Variants in PLEKHH2 observed in about 807,000 individuals in gnomAD.
PLEKHH2 encodes pleckstrin homology, MyTH4 and FERM domain containing H2, also known as pleckstrin homology domain-containing family H member 2.
In PLEKHH2, 129 loss-of-function variants were observed where a neutral mutation model predicts 187.9. The ratio of observed to expected loss-of-function variants is 0.69; its 90% confidence interval spans 0.59 to 0.79. PLEKHH2 has a LOEUF of 0.79. Ranked by LOEUF, PLEKHH2 falls within the 30% of genes least tolerant of loss-of-function variation. The probability of loss-of-function intolerance (pLI) is 0.00; values close to 1 mark genes in which losing one functional copy is unlikely to be tolerated. For missense variants in PLEKHH2, 2,076 were observed against 1,751.2 expected (o/e 1.19, Z -3.31); for synonymous variants, 686 against 605.6 (o/e 1.13, Z -1.95).
Position 43,709,932 on chromosome 2 carries a change from G to C in PLEKHH2, c.1967-58G>C, listed in dbSNP as rs1669869418. On this transcript the variant is annotated intron_variant, in intron 11 of 29. Transcript: ENST00000282406. ...GCATTCTGTAGGAGCACTCAGAGCT[G>C]GTGTTTGGCCCTCCCCAGTATTAAA... is the stretch of plus-strand genomic sequence containing the variant. 2.0e-6 allele frequency: 3 copies of C among 1,479,620 alleles called. No individual in the cohort carries two copies. In the African/African-American group the frequency reaches 4.2e-5, roughly 21 times the overall value. 91.7% of individuals were successfully genotyped at this position (1,479,620 alleles called of 1,614,324 possible).
At chr2:43,759,071 T>C in intron 27 of PLEKHH2, 42 bp downstream of exon 27, 1 of 1,582,278 alleles carries the variant, frequency 6.3e-7, no homozygotes, top group Non-Finnish European at 8.6e-7. Flanking sequence ...AAAACCTTTG[T>C]GTACATAGTT....
At chr2:43,642,852 A>G (rs752268040) in intron 1 of PLEKHH2, among the ~76,000 whole-genome samples, 1 of 152,136 alleles carries the variant, frequency 6.6e-6, no homozygotes, top group Non-Finnish European at 1.5e-5. Context: ...AAGTTATTTT[A>G]CATGTAGAGC....
At chr2:43,753,339 C>T (rs186027363) in intron 24 of PLEKHH2, among the ~76,000 whole-genome samples, 3 of 152,244 alleles carry the variant, frequency 2.0e-5, no homozygotes, top group East Asian at 1.9e-4. Context: ...TCAACTATGA[C>T]AATCTCTGTC....
intron 6 of PLEKHH2, 25 bp downstream of exon 6, chr2:43,695,249 T>C: frequency 7.3e-7 from 1 of 1,375,388 alleles, no homozygotes; most frequent in Non-Finnish European, 1.0e-6. Flanking sequence ...CTAAGATAGC[T>C]TAGTTGGATT....
chr2:43,685,903 T>G (rs1054210326), intron 3 of PLEKHH2, among the ~76,000 whole-genome samples: 2 of 152,202 alleles, frequency 1.3e-5, no homozygotes, highest in African/African-American at 4.8e-5. Context: ...TCTAATTAGG[T>G]GGATACCTTA....
In PLEKHH2 at chr2:43,740,986, C is replaced by A. The variant is rs758716569; in HGVS notation, c.3164C>A (p.Pro1055His). Residue 1055 changes from proline to histidine, a missense_variant, in exon 21 of 30, where the codon CCC becomes CAC. By Grantham distance (77) the Pro-to-His change is moderately conservative (BLOSUM62 -2). Transcript: ENST00000282406. ...LLALCVGLFLPHHPFLWLLRL... is the reference protein window; with the variant it reads ...LLALCVGLFLHHHPFLWLLRL... ...GCACTCTGCGTTGGGCTCTTCCTTC[C>A]CCATCATCCTTTCCTGTGGCTCCTC... 4.3e-6 allele frequency: 7 copies of A among 1,614,044 alleles called. No homozygotes were observed. The highest frequency in any genetic ancestry group is 5.1e-6 in the Non-Finnish European group (6 of 1,179,954).
intron 4 of PLEKHH2, 56 bp downstream of exon 4, chr2:43,692,719 AC>A: frequency 6.5e-7 from 1 of 1,531,946 alleles, no homozygotes; most frequent in Non-Finnish European, 8.9e-7. Flanking sequence ...GTGCATAATC[AC>A]AAAGATTAAA....
At chr2:43,717,124 A>G (rs1197746095) in intron 15 of PLEKHH2, among the ~76,000 whole-genome samples, 1 of 152,192 alleles carries the variant, frequency 6.6e-6, no homozygotes, top group Non-Finnish European at 1.5e-5. Flanking sequence ...TGAGGTAAAG[A>G]ACAAGAGTGT....
At chr2:43,684,453 A>G (rs1668393998) in intron 3 of PLEKHH2, among the ~76,000 whole-genome samples, 1 of 152,166 alleles carries the variant, frequency 6.6e-6, no homozygotes, top group East Asian at 1.9e-4. Flanking sequence ...TTAATTCATA[A>G]TATGTGGCAA....
chr2:43,692,477 A>G, intron 3 of PLEKHH2, 37 bp from the exon 4 acceptor site: 8 of 1,498,048 alleles, frequency 5.3e-6, no homozygotes, highest in Non-Finnish European at 7.3e-6. Flanking sequence ...TAACCTGAGT[A>G]CACACACAAT....
rs2104355491 is a variant in PLEKHH2, at chr2:43,653,432, A to C, written c.123+8636A>C. ...AATTATATCAAACCCAGAATTCTGC[A>C]CCGAGGCCAATTATGAATTTTATTT... On this transcript the variant is annotated intron_variant, in intron 2 of 29. Coordinates refer to ENST00000282406, the MANE Select transcript of PLEKHH2 (RefSeq NM_172069.4). Among the ~76,000 whole-genome samples the C allele has an allele frequency of 2.6e-5, 4 of 152,348 alleles. No homozygotes were observed. In the South Asian group the frequency reaches 8.3e-4, roughly 32 times the overall value.
rs1668199408 is a variant in PLEKHH2, at chr2:43,681,689, A to C, written c.186+2764A>C. 10 of 548,560 alleles carry C rather than the reference A, an allele frequency of 1.8e-5. No individual in the cohort carries two copies. In the South Asian group the frequency reaches 2.2e-4, roughly 12 times the overall value. The allele number at this position is 548,560 out of a possible 1,614,324, so 34.0% of individuals were successfully genotyped here. ...TCACTCAACCAAACGCTCTTACTCC[A>C]TCAGGCCACTGAGGGCCAGGCAAGG... On this transcript the variant is annotated intron_variant, in intron 3 of 29. Transcript: ENST00000282406.
In PLEKHH2 at chr2:43,740,229, G is replaced by T. The variant is rs1671497440; in HGVS notation, c.3124-717G>T. ...TACTTTTACATTTATTTACTCTAAT[G>T]AGTTTGTCTAATGCTTAACATTTTT... On this transcript the variant is annotated intron_variant, in intron 20 of 29. Coordinates refer to ENST00000282406, the MANE Select transcript of PLEKHH2 (RefSeq NM_172069.4). Among the ~76,000 whole-genome samples, 3 of 152,116 alleles carry T rather than the reference G, an allele frequency of 2.0e-5. No individual in the cohort carries two copies. In the South Asian group the frequency reaches 6.2e-4, roughly 32 times the overall value.
chr2:43,731,148 T>C lies in PLEKHH2; in HGVS notation c.2831-342T>C, dbSNP rs184789947. On this transcript the variant is annotated intron_variant, in intron 18 of 29. Coordinates refer to ENST00000282406, the MANE Select transcript of PLEKHH2 (RefSeq NM_172069.4). ...ACTGAGGGAAAGGGTGGGAAGGGGG[T>C]GAGGCAAATCAGTTTCAGTATATAC... is the stretch of plus-strand genomic sequence containing the variant. Among the ~76,000 whole-genome samples the C allele has an allele frequency of 1.6e-4, 24 of 151,854 alleles. No homozygotes were observed. In the East Asian group the frequency reaches 4.1e-3, roughly 26 times the overall value.
chr2:43,718,136 A>G (rs1168243119), intron 15 of PLEKHH2, among the ~76,000 whole-genome samples: 1 of 152,236 alleles, frequency 6.6e-6, no homozygotes, highest in Admixed American at 6.5e-5. Context: ...ATGGTAAAAA[A>G]TTATTCTTTT....
rs116129066 is a variant in PLEKHH2 at position 43,719,928 on chromosome 2, C to T, written c.2461-741C>T. ...ACATTAGAGTGTTAACCTAGAGAGC[C>T]ACATGGCTATTGGAAATCTGTGAAA... is the stretch of plus-strand genomic sequence containing the variant. On this transcript the variant is annotated intron_variant, in intron 15 of 29. Coordinates refer to ENST00000282406, the MANE Select transcript of PLEKHH2 (RefSeq NM_172069.4). 2.3e-3 allele frequency among the ~76,000 whole-genome samples: 356 copies of T among 151,962 alleles called. 2 individuals carry two copies. Among genetic ancestry groups the T allele is most frequent in the African/African-American group, 7.9e-3 (329 of 41,394 alleles).
chr2:43,676,183 G>A, intron 2 of PLEKHH2: 1 of 1,614,036 alleles, frequency 6.2e-7, no homozygotes, highest in Non-Finnish European at 8.5e-7. Flanking sequence ...CCTGTTAGGT[G>A]GACGAAGGTG....
intron 17 of PLEKHH2, among the ~76,000 whole-genome samples, chr2:43,728,477 C>CA (rs1042037842): frequency 0.015 from 843 of 55,614 alleles, 6 homozygotes; most frequent in African/African-American, 0.032. Flanking sequence ...GACTCTGTCT[C>CA]AAAAAAAAAA....
chr2:43,731,147 G>A (rs562363214), intron 18 of PLEKHH2, among the ~76,000 whole-genome samples: 2 of 152,240 alleles, frequency 1.3e-5, no homozygotes, highest in African/African-American at 2.4e-5. Context: ...TGGGAAGGGG[G>A]TGAGGCAAAT....
Sources: gnomAD v4.1 joint callset for allele counts (sites outside exome capture counted in the v4.1 genomes callset) on GRCh38, gnomAD v4.1.1 for gene constraint, MANE v1.5 for transcripts, NCBI Gene and HGNC (gene_info 2026-07-23, HGNC 2026-07-21) for gene names.